RYR2: variants seen among roughly 807,000 people sequenced by gnomAD.
RYR2 encodes ryanodine receptor 2.
RYR2 carries 227 observed loss-of-function variants against 601.1 expected under a neutral mutation model. The observed-to-expected ratio is 0.38, with a 90% confidence interval of 0.34 to 0.42. The LOEUF (loss-of-function observed/expected upper bound fraction) is 0.42, where lower values mean the gene tolerates loss of function less well. Ranked by LOEUF, RYR2 falls within the 10% of genes least tolerant of loss-of-function variation. RYR2 has a pLI of 1.00. For synonymous variants in RYR2, 2,223 were observed against 2,175.1 expected (o/e 1.02, Z -0.61); for missense variants, 4,646 against 6,156.5 (o/e 0.75, Z 8.21).
At chr1:237,470,620 G>T (rs1488248912) in intron 17 of RYR2, among the ~76,000 whole-genome samples, 1 of 152,170 alleles carries the variant, frequency 6.6e-6, no homozygotes, top group Non-Finnish European at 1.5e-5. Flanking sequence ...TAGTGACTGT[G>T]CATTAATTGC....
chr1:237,434,742 T>C (rs1707169251), intron 12 of RYR2, among the ~76,000 whole-genome samples: 1 of 152,194 alleles, frequency 6.6e-6, no homozygotes, highest in Non-Finnish European at 1.5e-5. Flanking sequence ...AGACTGTCAA[T>C]GAGATTACAA....
At chr1:237,693,881 G>C (rs1057288374) in intron 63 of RYR2, among the ~76,000 whole-genome samples, 3 of 152,142 alleles carry the variant, frequency 2.0e-5, no homozygotes, top group Non-Finnish European at 4.4e-5. Context: ...AAAAAACACT[G>C]ACGTCTTTAA....
Position 237,651,711 on chromosome 1 carries a change from A to G in RYR2, c.7824+210A>G, listed in dbSNP as rs534075179. 6.6e-5 allele frequency among the ~76,000 whole-genome samples: 10 copies of G among 152,308 alleles called. No individual in the cohort carries two copies. The South Asian group carries it at 2.1e-3, about 32-fold the overall frequency. On this transcript the variant is annotated intron_variant, in intron 51 of 104. Coordinates refer to ENST00000366574, the MANE Select transcript of RYR2 (RefSeq NM_001035.3). ...TATAGAAATCTTAACATTGATTTCC[A>G]TGGAAACAATGGAAATAGAAATCAA...
rs71178397 is a variant in RYR2 at position 237,148,553 on chromosome 1, T to TATATATATATATACAC, written c.48+105985_48+105986insTATATATATATACACA. ...ATATATATATATATATATATATATA[T>TATATATATATATACAC]ACACACACACATATATATATATATA... On this transcript the variant is annotated intron_variant, in intron 1 of 104. Coordinates refer to ENST00000366574, the MANE Select transcript of RYR2 (RefSeq NM_001035.3). 7.6e-5 allele frequency among the ~76,000 whole-genome samples: 8 copies of TATATATATATATACAC among 105,694 alleles called. No homozygotes were observed. The East Asian group carries it at 9.1e-4, about 12-fold the overall frequency. The allele number at this position is 105,694 out of a possible 152,430, so 69.3% of individuals were successfully genotyped here. A position where few individuals can be genotyped will look rare whatever the true frequency, so the allele number is the denominator to read the frequency against.
Position 237,441,412 on chromosome 1 carries a change from G to A in RYR2, c.1099G>A (p.Asp367Asn). The change falls in exon 13 of 105, where the codon GAC (aspartate) becomes AAC (asparagine). Residue 367 changes from aspartate to asparagine, a missense_variant. Asp to Asn is a conservative substitution (Grantham distance 23). This residue lies in a region of RYR2 where 1,807 missense variants were observed against 2,088.1 expected (regional missense o/e 0.87). Coordinates refer to ENST00000366574, the MANE Select transcript of RYR2 (RefSeq NM_001035.3). ...GDSVCYIQHVDTGLWLTYQSV... is the reference protein window; with the variant it reads ...GDSVCYIQHVNTGLWLTYQSV... The stretch of plus-strand genomic sequence containing the variant: ...CTCAGTATGCTATATACAACATGTA[G>A]ACACAGGCCTATGGCTTACTTACCA... The A allele has an allele frequency of 3.1e-6, 5 of 1,612,906 alleles. No homozygotes were observed. The highest frequency in any genetic ancestry group is 4.2e-6 in the Non-Finnish European group (5 of 1,179,206).
At chr1:237,067,505 C>T (rs1165967329) in intron 1 of RYR2, among the ~76,000 whole-genome samples, 1 of 152,178 alleles carries the variant, frequency 6.6e-6, no homozygotes, top group African/African-American at 2.4e-5. Context: ...GTCTAGCTGT[C>T]CACCAATACC....
intron 1 of RYR2, among the ~76,000 whole-genome samples, chr1:237,064,751 C>CTTTTTTTT (rs551797601): frequency 1.0e-4 from 11 of 109,982 alleles, no homozygotes; most frequent in South Asian, 3.2e-4. Context: ...TAGAACCTGT[C>CTTTTTTTT]TTTTTTTTTT....
At chr1:237,723,651 CG>C (rs1558291584) in intron 74 of RYR2, among the ~76,000 whole-genome samples, 1 of 151,780 alleles carries the variant, frequency 6.6e-6, no homozygotes, top group East Asian at 1.9e-4. Flanking sequence ...TATCTTTTAC[CG>C]GTTTAATATT....
rs532123031 is a variant in RYR2, at chr1:237,600,638, G to A, written c.4597-1387G>A. Among the ~76,000 whole-genome samples the A allele has an allele frequency of 1.8e-3, 230 of 128,936 alleles. 1 individual carries two copies. The highest frequency in any genetic ancestry group is 5.3e-3 in the African/African-American group (217 of 40,578). The allele number at this position is 128,936 out of a possible 152,430, so 84.6% of individuals were successfully genotyped here. A position where few individuals can be genotyped will look rare whatever the true frequency, so the allele number is the denominator to read the frequency against. On this transcript the variant is annotated intron_variant, in intron 34 of 104. Transcript: ENST00000366574. ...ACTAAAAATCCTCTGCACAGCCAAG[G>A]AAACAATTAACAGAGTGAAAAGACA...
chr1:237,194,642 C>G (rs780891527), intron 1 of RYR2, among the ~76,000 whole-genome samples: 1 of 152,176 alleles, frequency 6.6e-6, no homozygotes, highest in African/African-American at 2.4e-5. Context: ...GACCCAGAGG[C>G]GGGTCCATAC....
At chr1:237,660,720 T>C in intron 55 of RYR2, 90 bp from the exon 56 acceptor site, 1 of 1,171,860 alleles carries the variant, frequency 8.5e-7, no homozygotes, top group Non-Finnish European at 1.2e-6. Flanking sequence ...TTTTAAAAAG[T>C]GAAGGCAGTC....
At chr1:237,717,137 A>G in intron 71 of RYR2, 61 bp from the exon 72 acceptor site, 1 of 1,483,394 alleles carries the variant, frequency 6.7e-7, no homozygotes, top group South Asian at 1.2e-5. Flanking sequence ...GGGAAGAGTC[A>G]TAGTGGTTCT....
At chr1:237,550,812 CAGCCA>C (rs1670310903) in intron 27 of RYR2, 121 bp downstream of exon 27, 2 of 1,094,672 alleles carry the variant, frequency 1.8e-6, no homozygotes, top group African/African-American at 3.2e-5. Flanking sequence ...TGTGGAATTT[CAGCCA>C]AGTGGATTTT....
intron 1 of RYR2, among the ~76,000 whole-genome samples, chr1:237,057,342 C>T (rs1211322988): frequency 3.3e-5 from 5 of 152,090 alleles, no homozygotes; most frequent in Non-Finnish European, 5.9e-5. Context: ...TGTGTCATCA[C>T]GCCCGGCTAA....
intron 1 of RYR2, among the ~76,000 whole-genome samples, chr1:237,209,689 C>CA (rs1682353783): frequency 6.6e-6 from 1 of 151,794 alleles, no homozygotes; most frequent in African/African-American, 2.4e-5. Context: ...CCTGTCTCTA[C>CA]AAAAAATTTT....
chr1:237,688,290 C>T (rs1398995145), intron 63 of RYR2, among the ~76,000 whole-genome samples: 1 of 152,052 alleles, frequency 6.6e-6, no homozygotes, highest in Non-Finnish European at 1.5e-5. Flanking sequence ...AGTAATAAAA[C>T]ATTGAATGTA....
intron 29 of RYR2, among the ~76,000 whole-genome samples, chr1:237,578,310 T>C (rs183446420): frequency 4.0e-5 from 6 of 151,240 alleles, no homozygotes; most frequent in Non-Finnish European, 8.8e-5. Context: ...GAAAAAAAAA[T>C]GGCTCAGGTA....
Position 237,058,799 on chromosome 1 carries a change from C to T in RYR2, c.48+16230C>T, listed in dbSNP as rs866914971. ...TAGAGATGCTGGTCTGGAGAAGGGGCGGGGGGCCGGGGGGCGGGGTGTTCA... is the reference window on the plus strand; with the variant it reads ...TAGAGATGCTGGTCTGGAGAAGGGGTGGGGGGCCGGGGGGCGGGGTGTTCA... On this transcript the variant is annotated intron_variant, in intron 1 of 104. Transcript: ENST00000366574. 4.7e-3 allele frequency among the ~76,000 whole-genome samples: 74 copies of T among 15,732 alleles called. No homozygotes were observed. The Middle Eastern group carries it at 0.091, about 19-fold the overall frequency. 10.3% of individuals were successfully genotyped at this position (15,732 alleles called of 152,430 possible).
rs10686110 is a variant in RYR2, at chr1:237,187,443, C to CTTTTTTTTTTTTT, written c.49-83047_49-83035dup. 2.3e-5 allele frequency among the ~76,000 whole-genome samples: 2 copies of CTTTTTTTTTTTTT among 86,762 alleles called. 1 individual carries two copies. The highest frequency in any genetic ancestry group is 4.2e-5 in the Non-Finnish European group (2 of 47,502). 56.9% of individuals were successfully genotyped at this position (86,762 alleles called of 152,430 possible). On this transcript the variant is annotated intron_variant, in intron 1 of 104. Coordinates refer to ENST00000366574, the MANE Select transcript of RYR2 (RefSeq NM_001035.3). ...GGCGTGAGCCAACACGCCCGGCCGA[C>CTTTTTTTTTTTTT]TTTTTTTTTTTTTTTTTTTGAGACA... is the stretch of plus-strand genomic sequence containing the variant.
Sources: gnomAD v4.1 joint callset for allele counts (sites outside exome capture counted in the v4.1 genomes callset) on GRCh38, gnomAD v4.1.1 for gene constraint, gnomAD v4.1.1 regional missense constraint, MANE v1.5 for transcripts, NCBI Gene and HGNC (gene_info 2026-07-23, HGNC 2026-07-21) for gene names.